Variants in DNAAF4 observed in about 807,000 individuals in gnomAD.
DNAAF4 encodes the protein dynein axonemal assembly factor 4.
Under a neutral mutation model 51.8 loss-of-function variants are expected in DNAAF4, and 43 were observed. The ratio of observed to expected loss-of-function variants is 0.83; its 90% confidence interval spans 0.65 to 1.07. The LOEUF (loss-of-function observed/expected upper bound fraction) is 1.07. Ranked by LOEUF, DNAAF4 falls within the 50% of genes least tolerant of loss-of-function variation. The probability of loss-of-function intolerance (pLI) is 0.00; values close to 1 mark genes in which losing one functional copy is unlikely to be tolerated. For missense variants in DNAAF4, 581 were observed against 493.0 expected (o/e 1.18, Z -1.69); for synonymous variants, 194 against 165.6 (o/e 1.17, Z -1.32).
At chr15:55,496,245 C>T (rs1332984798) in intron 3 of DNAAF4, among the ~76,000 whole-genome samples, 1 of 152,018 alleles carries the variant, frequency 6.6e-6, no homozygotes, top group South Asian at 2.1e-4. Flanking sequence ...AACAAACAAA[C>T]AACAACTGGG....
At chr15:55,488,202 C>T (rs1465017476) in intron 4 of DNAAF4, among the ~76,000 whole-genome samples, 1 of 151,848 alleles carries the variant, frequency 6.6e-6, no homozygotes, top group East Asian at 1.9e-4. Context: ...CCTACCAGAC[C>T]TTGATCTATG....
At chr15:55,494,063 CTT>C (rs1453303513) in intron 3 of DNAAF4, among the ~76,000 whole-genome samples, 11 of 148,116 alleles carry the variant, frequency 7.4e-5, no homozygotes, top group Non-Finnish European at 1.2e-4. Context: ...GAGTTTCGCT[CTT>C]GTTGCCCAGG....
intron 4 of DNAAF4, among the ~76,000 whole-genome samples, chr15:55,473,954 T>C (rs919064953): frequency 6.6e-5 from 10 of 151,974 alleles, no homozygotes; most frequent in African/African-American, 2.2e-4. Flanking sequence ...ATCACGCCAC[T>C]ACACTCCAGC....
At chr15:55,482,143 G>C (rs1363349289) in intron 4 of DNAAF4, among the ~76,000 whole-genome samples, 2 of 152,082 alleles carry the variant, frequency 1.3e-5, no homozygotes, top group Non-Finnish European at 2.9e-5. Flanking sequence ...TGTGCATTTT[G>C]TTCAATTCTT....
chr15:55,501,070 G>C (rs193254803), intron 1 of DNAAF4, among the ~76,000 whole-genome samples: 1 of 149,652 alleles, frequency 6.7e-6, no homozygotes, highest in African/African-American at 2.4e-5. Flanking sequence ...GGATTTTTTT[G>C]TTGTTGTTTT....
At chr15:55,436,024 G>C (rs1429415371) in intron 7 of DNAAF4, among the ~76,000 whole-genome samples, 1 of 152,162 alleles carries the variant, frequency 6.6e-6, no homozygotes, top group Non-Finnish European at 1.5e-5. Flanking sequence ...CCGATCTCAG[G>C]TGATCTGCCC....
At position 55,417,844 on chromosome 15, in the gene DNAAF4, C is replaced by CG. The variant is rs1417656112; in HGVS notation, c.*190dup. 1.8e-5 allele frequency: 5 copies of CG among 278,808 alleles called. No individual in the cohort carries two copies. The Admixed American group carries it at 2.4e-4, about 13-fold the overall frequency. 17.3% of individuals were successfully genotyped at this position (278,808 alleles called of 1,614,324 possible). ...CAGCGAAGGGAGATAGGGGTGGGGC[C>CG]GTTTTATAGGATTTGGGTAGGTAAT... On this transcript the variant is annotated 3_prime_UTR_variant, in exon 8 of 8. Coordinates refer to the DNAAF4 transcript ENST00000448430.
intron 6 of DNAAF4, among the ~76,000 whole-genome samples, chr15:55,448,340 G>A (rs1288269406): frequency 2.6e-5 from 4 of 151,782 alleles, no homozygotes; most frequent in Admixed American, 6.6e-5. Context: ...TTTTTGCATC[G>A]ATGTTCATCC....
chr15:55,443,293 CCTA>C, intron 6 of DNAAF4: 1 of 1,450,238 alleles, frequency 6.9e-7, no homozygotes, highest in Non-Finnish European at 9.5e-7. Flanking sequence ...CAGGCGCCTG[CCTA>C]CCGGTGGCGG....
rs113582204 is a variant in DNAAF4 at position 55,499,938 on chromosome 15, T to C, written c.-255-1354A>G. Among the ~76,000 whole-genome samples, 13 of 152,334 alleles carry C rather than the reference T, an allele frequency of 8.5e-5. 1 individual carries two copies. Among genetic ancestry groups the C allele is most frequent in the African/African-American group, 2.9e-4 (12 of 41,576 alleles). On this transcript the variant is annotated intron_variant, in intron 1 of 9. Coordinates refer to ENST00000321149, the MANE Select transcript of DNAAF4 (RefSeq NM_130810.4). ...TACAATGTTTTTGCTCCAGGCTGCT[T>C]TCTGCACACCCAGTTTATAAATTGC...
At chr15:55,498,761 C>T (rs1298573017) in intron 1 of DNAAF4, among the ~76,000 whole-genome samples, 177 bp from the exon 2 acceptor site, 9 of 151,436 alleles carry the variant, frequency 5.9e-5, no homozygotes, top group African/African-American at 2.2e-4. Context: ...CAAAATTAGC[C>T]GGGCGTGGTG....
At chr15:55,482,154 T>C (rs2058420219) in intron 4 of DNAAF4, among the ~76,000 whole-genome samples, 1 of 152,234 alleles carries the variant, frequency 6.6e-6, no homozygotes, top group African/African-American at 2.4e-5. Flanking sequence ...TTCAATTCTT[T>C]GTTTAATGTG....
Position 55,438,199 on chromosome 15 carries a change from A to C in DNAAF4, c.893+1273T>G, listed in dbSNP as rs2057647690. On this transcript the variant is annotated intron_variant, in intron 7 of 9. Coordinates refer to ENST00000321149, the MANE Select transcript of DNAAF4 (RefSeq NM_130810.4). Reference sequence around the variant, plus strand: ...CAGCCTGGCCAACATGGTGAAACAAAAATTAGTTGGGCGTGGTGGCAGGCG... The same window carrying C: ...CAGCCTGGCCAACATGGTGAAACAACAATTAGTTGGGCGTGGTGGCAGGCG... Among the ~76,000 whole-genome samples the C allele has an allele frequency of 2.0e-5, 3 of 151,450 alleles. No individual in the cohort carries two copies. In the South Asian group the frequency reaches 6.3e-4, roughly 32 times the overall value.
intron 6 of DNAAF4, among the ~76,000 whole-genome samples, chr15:55,444,463 G>C (rs2057764587): frequency 6.6e-6 from 1 of 152,198 alleles, no homozygotes. Flanking sequence ...AGTGTAGTTT[G>C]AAGTCAGGTG....
intron 4 of DNAAF4, among the ~76,000 whole-genome samples, chr15:55,482,774 G>A (rs1023587553): frequency 2.6e-5 from 4 of 152,178 alleles, no homozygotes; most frequent in Non-Finnish European, 5.9e-5. Context: ...AAAAGGTGAA[G>A]AGAACCTAAA....
At chr15:55,457,507 G>A (rs1435754078) in intron 5 of DNAAF4, among the ~76,000 whole-genome samples, 3 of 152,044 alleles carry the variant, frequency 2.0e-5, no homozygotes, top group Non-Finnish European at 4.4e-5. Context: ...TGAGAAACCC[G>A]AGTACTTGTC....
At position 55,438,689 on chromosome 15, in the gene DNAAF4, G is replaced by A. The variant is rs75885162; in HGVS notation, c.893+783C>T. Among the ~76,000 whole-genome samples the A allele has an allele frequency of 2.9e-3, 439 of 151,964 alleles. 10 individuals are homozygous for A. The East Asian group carries it at 0.049, about 17-fold the overall frequency. On this transcript the variant is annotated intron_variant, in intron 7 of 9. Coordinates refer to ENST00000321149, the MANE Select transcript of DNAAF4 (RefSeq NM_130810.4). Reference sequence around the variant, plus strand: ...AATCCCAGCTACTTGAGAGGCTGAGGCAGAAGAACTGCTTGAACCTGGCGG... The same window carrying A: ...AATCCCAGCTACTTGAGAGGCTGAGACAGAAGAACTGCTTGAACCTGGCGG...
At chr15:55,492,448 C>T (rs2141590345) in intron 3 of DNAAF4, among the ~76,000 whole-genome samples, 1 of 152,032 alleles carries the variant, frequency 6.6e-6, no homozygotes, top group African/African-American at 2.4e-5. Flanking sequence ...AATCCTTTCA[C>T]AATGTTTTAA....
intron 4 of DNAAF4, among the ~76,000 whole-genome samples, chr15:55,471,553 G>A (rs1236470482): frequency 2.0e-5 from 3 of 147,914 alleles, no homozygotes; most frequent in Non-Finnish European, 3.0e-5. Flanking sequence ...TCACTCTGTC[G>A]CCCAGGCTGG....
Sources: allele counts gnomAD v4.1 joint callset (sites outside exome capture counted in the v4.1 genomes callset), GRCh38; gene constraint gnomAD v4.1.1; transcripts MANE v1.5; gene names NCBI Gene and HGNC (gene_info 2026-07-23, HGNC 2026-07-21).